Variants in NDRG4 observed in about 807,000 individuals in gnomAD.
NDRG4 encodes the protein protein NDRG4.
NDRG4 carries 38 observed loss-of-function variants against 55.8 expected under a neutral mutation model. The ratio of observed to expected loss-of-function variants is 0.68; its 90% CI spans 0.53 to 0.89. The LOEUF (loss-of-function observed/expected upper bound fraction) is 0.89, where lower values mean the gene tolerates loss of function less well. NDRG4 is among the 40% of genes least tolerant of loss of function. The pLI, the probability that NDRG4 is intolerant of heterozygous loss-of-function variation, is 0.00. For missense variants in NDRG4, 455 were observed against 468.6 expected (o/e 0.97, Z 0.27); for synonymous variants, 190 against 182.7 (o/e 1.04, Z -0.32).
chr16:58,468,772 G>A (rs766006393), intron 1 of NDRG4, among the ~76,000 whole-genome samples: 9 of 152,130 alleles, frequency 5.9e-5, no homozygotes, highest in Non-Finnish European at 1.0e-4. Context: ...CCAAGACACC[G>A]TCACACCTGC....
chr16:58,472,705 A>G (rs2033047552), intron 1 of NDRG4, among the ~76,000 whole-genome samples: 1 of 152,088 alleles, frequency 6.6e-6, no homozygotes. Flanking sequence ...TCTCTCCCTC[A>G]TTCCTACTAG....
intron 5 of NDRG4, among the ~76,000 whole-genome samples, chr16:58,505,654 C>CA (rs1567345236): frequency 7.0e-6 from 1 of 143,168 alleles, no homozygotes; most frequent in Non-Finnish European, 1.5e-5. Context: ...ATGCCTACGG[C>CA]AAAACAGACT....
At chr16:58,506,365 C>G (rs778437829) in intron 5 of NDRG4, 22 bp from the exon 6 acceptor site, 1 of 1,612,482 alleles carries the variant, frequency 6.2e-7, no homozygotes, top group Non-Finnish European at 8.5e-7. Flanking sequence ...CCCGCCCGGC[C>G]CTGTTTCCCC....
In NDRG4 at chr16:58,511,962, C is replaced by T. The variant is rs958981899; in HGVS notation, c.*386C>T. On this transcript the variant is annotated 3_prime_UTR_variant, in exon 15 of 15. Coordinates refer to ENST00000570248, the MANE Select transcript of NDRG4 (RefSeq NM_001242835.2). Reference sequence around the variant, plus strand: ...GGGTGGGTGCTGGGCCACAGGGGTGCGGGGCCAGCTCAGGCACTGGCGTGG... The same window carrying T: ...GGGTGGGTGCTGGGCCACAGGGGTGTGGGGCCAGCTCAGGCACTGGCGTGG... The T allele has an allele frequency of 5.7e-5, 26 of 459,766 alleles. No homozygotes were observed. Among genetic ancestry groups the T allele is most frequent in the Non-Finnish European group, 1.1e-4 (26 of 230,776 alleles). 28.5% of individuals were successfully genotyped at this position (459,766 alleles called of 1,614,324 possible).
At chr16:58,495,106 G>A (rs1369357278) in intron 3 of NDRG4, 3 of 1,202,832 alleles carry the variant, frequency 2.5e-6, no homozygotes, top group Non-Finnish European at 3.6e-6. Context: ...GCCCTTCTGT[G>A]TGCCCCCTGC....
At chr16:58,505,164 A>G (rs867831365) in intron 5 of NDRG4, among the ~76,000 whole-genome samples, 9 of 152,242 alleles carry the variant, frequency 5.9e-5, no homozygotes, top group Middle Eastern at 6.8e-3. Context: ...CCTGGCTAAC[A>G]CGGTGAAACC....
intron 1 of NDRG4, chr16:58,500,893 A>G (rs1223232614): frequency 2.5e-6 from 2 of 809,600 alleles, no homozygotes; most frequent in Non-Finnish European, 3.3e-6. Context: ...GGCAGAGGCA[A>G]GGAGGTCTGG....
At chr16:58,482,687 CCCTTCCTTCCTCCCTCCCTCCTTTCCTT>C in intron 1 of NDRG4, among the ~76,000 whole-genome samples, 1 of 141,552 alleles carries the variant, frequency 7.1e-6, no homozygotes, top group Non-Finnish European at 1.6e-5. Context: ...CTTCCTCCCT[CCCTTCCTTCCTCCCTCCCTCCTTTCCTT>C]CCTCCCTCCC....
rs1166731819 is a variant in NDRG4, at chr16:58,513,467, ATGTT to A, written c.*1894_*1897del. The A allele has an allele frequency of 6.6e-6, 1 of 152,144 alleles. No homozygotes were observed. The highest frequency in any genetic ancestry group is 2.1e-4 in the South Asian group (1 of 4,830). The allele number at this position is 152,144 out of a possible 1,614,324, so 9.4% of individuals were successfully genotyped here. ...CATGGGAGGCTTTTGGAGAAACAGA[ATGTT>A]TGGGCAGGGGCTGCTGGTGCTGCTT... is the stretch of plus-strand genomic sequence containing the variant. On this transcript the variant is annotated 3_prime_UTR_variant, in exon 15 of 15. Transcript: ENST00000570248.
intron 5 of NDRG4, 70 bp downstream of exon 5, chr16:58,504,719 G>A: frequency 6.4e-7 from 1 of 1,551,274 alleles, no homozygotes; most frequent in South Asian, 1.1e-5. Context: ...GGTGGGGACT[G>A]GGGGGAACCC....
chr16:58,504,630 A>G lies in NDRG4; in HGVS notation c.353A>G (p.Tyr118Cys). 4.3e-6 allele frequency: 7 copies of G among 1,614,136 alleles called. No homozygotes were observed. Among genetic ancestry groups the G allele is most frequent in the Non-Finnish European group, 5.9e-6 (7 of 1,180,030 alleles). The change falls in exon 5 of 15, where the codon TAT becomes TGT. Residue 118 changes from tyrosine to cysteine, a missense_variant. Tyr to Cys is a radical substitution (Grantham distance 194). Transcript: ENST00000570248. Reference protein sequence around the residue: ...VIGIGVGAGAYVLAKFALIFP... With the variant: ...VIGIGVGAGACVLAKFALIFP... ...GGCATCGGAGTGGGCGCCGGAGCCT[A>G]TGTGCTGGCCAAGTTTGCAGTGAGT...
chr16:58,486,968 T>G (rs1368316817), intron 1 of NDRG4, among the ~76,000 whole-genome samples: 2 of 130,820 alleles, frequency 1.5e-5, no homozygotes, highest in East Asian at 2.7e-4. Context: ...CTGGCCCATC[T>G]TCACAGAGGC....
intron 1 of NDRG4, chr16:58,475,611 G>A (rs2033511524): frequency 2.2e-6 from 1 of 455,792 alleles, no homozygotes; most frequent in East Asian, 6.9e-5. Flanking sequence ...CTCATAACCA[G>A]GATCTCAAAA....
At chr16:58,491,731 A>G (rs1036480308) in intron 2 of NDRG4, among the ~76,000 whole-genome samples, 2 of 152,176 alleles carry the variant, frequency 1.3e-5, no homozygotes, top group African/African-American at 2.4e-5. Flanking sequence ...AAGTGCTGGG[A>G]TTACAGGCAT....
chr16:58,473,034 C>T (rs552917339), intron 1 of NDRG4, among the ~76,000 whole-genome samples: 4 of 152,270 alleles, frequency 2.6e-5, no homozygotes, highest in African/African-American at 9.6e-5. Context: ...CTCATCTAGT[C>T]TCTCTATGAT....
upstream of NDRG4, chr16:58,499,716 G>A: frequency 5.8e-6 from 1 of 171,320 alleles, no homozygotes; most frequent in Non-Finnish European, 1.3e-5. Flanking sequence ...CCAAGGTGTG[G>A]GTCAAGGGCT....
At chr16:58,474,359 C>T (rs1397216439) in intron 1 of NDRG4, among the ~76,000 whole-genome samples, 1 of 152,114 alleles carries the variant, frequency 6.6e-6, no homozygotes, top group Admixed American at 6.5e-5. Context: ...GCCTGACCGG[C>T]TTCCTTTCGT....
At chr16:58,468,824 C>A (rs1040791274) in intron 1 of NDRG4, among the ~76,000 whole-genome samples, 6 of 152,194 alleles carry the variant, frequency 3.9e-5, no homozygotes, top group African/African-American at 1.4e-4. Flanking sequence ...ATTCCTGGTG[C>A]CTTCGGTAGC....
intron 1 of NDRG4, among the ~76,000 whole-genome samples, chr16:58,478,507 C>T (rs2033987073): frequency 6.6e-6 from 1 of 151,776 alleles, no homozygotes; most frequent in Non-Finnish European, 1.5e-5. Context: ...GGGTCCTAGA[C>T]CCAAAAAAGG....
Sources: gnomAD v4.1 joint callset for allele counts (sites outside exome capture counted in the v4.1 genomes callset) on GRCh38, gnomAD v4.1.1 for gene constraint, MANE v1.5 for transcripts, NCBI Gene and HGNC (gene_info 2026-07-23, HGNC 2026-07-21) for gene names.